The following IGF1R variants were observed in gnomAD, a reference collection of about 807,000 sequenced individuals.
IGF1R encodes the protein insulin-like growth factor 1 receptor.
A neutral mutation model predicts 144.6 loss-of-function variants in IGF1R; 44 were observed. That is an observed-to-expected ratio of 0.30 (90% CI 0.24 to 0.39). The LOEUF is 0.39. Ranked by LOEUF, IGF1R falls within the 10% of genes least tolerant of loss-of-function variation. The probability of loss-of-function intolerance (pLI) is 1.00; values close to 1 mark genes in which losing one functional copy is unlikely to be tolerated. For missense variants in IGF1R, 1,355 were observed against 1,833.7 expected (o/e 0.74, Z 4.77); for synonymous variants, 795 against 722.8 (o/e 1.10, Z -1.60).
At chr15:98,868,852 C>T (rs1165730942) in intron 2 of IGF1R, among the ~76,000 whole-genome samples, 3 of 152,176 alleles carry the variant, frequency 2.0e-5, no homozygotes. Context: ...TCATTCTTCC[C>T]TTCCCTGCTA....
At chr15:98,864,940 C>T (rs1335540142) in intron 2 of IGF1R, among the ~76,000 whole-genome samples, 1 of 152,178 alleles carries the variant, frequency 6.6e-6, no homozygotes, top group East Asian at 1.9e-4. Flanking sequence ...ACTAAGCTTC[C>T]TGTGGCCCTC....
intron 15 of IGF1R, among the ~76,000 whole-genome samples, chr15:98,930,689 G>T (rs144678272): frequency 5.8e-4 from 88 of 152,232 alleles, no homozygotes; most frequent in African/African-American, 1.7e-3. Flanking sequence ...ACTAGTTTCA[G>T]CTTGAGTATC....
intron 10 of IGF1R, among the ~76,000 whole-genome samples, chr15:98,918,608 C>T (rs531243596): frequency 1.2e-4 from 19 of 152,162 alleles, no homozygotes; most frequent in Admixed American, 9.8e-4. Flanking sequence ...CAGCCAGGCG[C>T]GGTGGCTCAC....
intron 18 of IGF1R, among the ~76,000 whole-genome samples, chr15:98,940,800 T>G (rs1410424186): frequency 3.3e-5 from 5 of 152,210 alleles, no homozygotes; most frequent in Admixed American, 6.5e-5. Context: ...CCCACATCCC[T>G]CCGTCATCAG....
intron 2 of IGF1R, among the ~76,000 whole-genome samples, chr15:98,730,533 A>T (rs2054474287): frequency 1.3e-5 from 2 of 152,146 alleles, no homozygotes; most frequent in Admixed American, 1.3e-4. Flanking sequence ...CCCCATACTT[A>T]GTGCACATAG....
At chr15:98,708,814 C>T (rs962657861) in intron 2 of IGF1R, among the ~76,000 whole-genome samples, 1 of 152,188 alleles carries the variant, frequency 6.6e-6, no homozygotes, top group African/African-American at 2.4e-5. Flanking sequence ...TACCTGTTTA[C>T]TGAACAGTTG....
chr15:98,832,629 G>A (rs184284619), intron 2 of IGF1R, among the ~76,000 whole-genome samples: 2 of 151,718 alleles, frequency 1.3e-5, no homozygotes, highest in African/African-American at 4.9e-5. Flanking sequence ...TGAGTGCATG[G>A]TTTTTTTCTA....
chr15:98,847,311 G>A (rs749216026), intron 2 of IGF1R, among the ~76,000 whole-genome samples: 1 of 152,152 alleles, frequency 6.6e-6, no homozygotes, highest in Non-Finnish European at 1.5e-5. Flanking sequence ...GGGCGTCTTG[G>A]TATAAGTATG....
intron 2 of IGF1R, among the ~76,000 whole-genome samples, chr15:98,810,895 C>T (rs1483532682): frequency 6.6e-6 from 1 of 152,148 alleles, no homozygotes; most frequent in Non-Finnish European, 1.5e-5. Flanking sequence ...AAACTACAGC[C>T]CATGCTGCCA....
chr15:98,803,248 A>T (rs1157565128), intron 2 of IGF1R, among the ~76,000 whole-genome samples: 1 of 152,228 alleles, frequency 6.6e-6, no homozygotes, highest in African/African-American at 2.4e-5. Context: ...CCCGTGGAGC[A>T]TGTTGCTGTT....
Position 98,935,407 on chromosome 15 carries a change from C to G in IGF1R, c.3278C>G (p.Ser1093Cys), listed in dbSNP as rs1206526432. The change falls in exon 17 of 21, where the codon TCT becomes TGT. Residue 1093 changes from serine (S) to cysteine (C), a missense_variant. Physicochemically the swap from Ser to Cys is moderately radical, Grantham distance 112 (BLOSUM62 -1). Around this residue, in one of 7 missense-constraint regions of IGF1R, gnomAD observed 45 missense variants for 43.5 expected, o/e 1.03. Transcript: ENST00000650285. This position sits in a 1 kb window ranked among gnomAD's most constrained non-coding sequence, Gnocchi z 4.2. ...TRGDLKSYLR[S>C]LRPEMENNPV... ...GGCGATCTCAAAAGTTATCTCCGGT[C>G]TCTGAGGCCAGAAATGGAGGTCAGT... The G allele has an allele frequency of 1.9e-6, 3 of 1,548,882 alleles. No individual in the cohort carries two copies. Among genetic ancestry groups the G allele is most frequent in the African/African-American group, 2.7e-5 (2 of 73,106 alleles).
At chr15:98,758,804 C>T (rs1335894834) in intron 2 of IGF1R, among the ~76,000 whole-genome samples, 2 of 152,204 alleles carry the variant, frequency 1.3e-5, no homozygotes, top group Non-Finnish European at 2.9e-5. Context: ...AGAGAGGGGA[C>T]TGTGAGGGAG....
chr15:98,886,911 C>T (rs1022383278), intron 2 of IGF1R, among the ~76,000 whole-genome samples: 7 of 152,078 alleles, frequency 4.6e-5, no homozygotes, highest in East Asian at 1.9e-4. Flanking sequence ...GCATGGTGTC[C>T]GTCTCTGCAG....
At chr15:98,699,329 C>T (rs570625148) in intron 1 of IGF1R, among the ~76,000 whole-genome samples, 42 of 152,174 alleles carry the variant, frequency 2.8e-4, no homozygotes, top group Non-Finnish European at 4.0e-4. Flanking sequence ...TCTCTGGCTC[C>T]GAGGGACTCT....
chr15:98,793,456 C>T (rs1402539931), intron 2 of IGF1R, among the ~76,000 whole-genome samples: 1 of 152,074 alleles, frequency 6.6e-6, no homozygotes, highest in Non-Finnish European at 1.5e-5. Context: ...TTAGTTCTGC[C>T]CTTTAAGTCA....
chr15:98,870,505 G>GC (rs2012727377), intron 2 of IGF1R, among the ~76,000 whole-genome samples: 1 of 152,200 alleles, frequency 6.6e-6, no homozygotes, highest in South Asian at 2.1e-4. Flanking sequence ...AGGTGGAACA[G>GC]CGTGTGTGAA....
chr15:98,790,868 TA>T (rs1401385150), intron 2 of IGF1R, among the ~76,000 whole-genome samples: 1 of 152,270 alleles, frequency 6.6e-6, no homozygotes. Flanking sequence ...TGATTACCTT[TA>T]GTTCATTTAC....
At chr15:98,737,283 T>C (rs111991115) in intron 2 of IGF1R, among the ~76,000 whole-genome samples, 1 of 152,178 alleles carries the variant, frequency 6.6e-6, no homozygotes, top group African/African-American at 2.4e-5. Context: ...AGCGTGGCAT[T>C]CTCTCTGGGG....
At chr15:98,755,448 A>G (rs2055124959) in intron 2 of IGF1R, among the ~76,000 whole-genome samples, 1 of 152,124 alleles carries the variant, frequency 6.6e-6, no homozygotes, top group South Asian at 2.1e-4. Context: ...ACTATAGAAA[A>G]GTGTATTGCT....
Sources: gnomAD v4.1 joint callset for allele counts (sites outside exome capture counted in the v4.1 genomes callset) on GRCh38, gnomAD v4.1.1 for gene constraint, gnomAD v4.1.1 regional missense constraint, Gnocchi (gnomAD v3.1) non-coding constraint, MANE v1.5 for transcripts, NCBI Gene and HGNC (gene_info 2026-07-23, HGNC 2026-07-21) for gene names.